DCAF5: variants seen among roughly 807,000 people sequenced by gnomAD.
DCAF5 encodes the protein DDB1 and CUL4 associated factor 5.
Under a neutral mutation model 80.7 loss-of-function variants are expected in DCAF5, and 9 were observed. The observed-to-expected ratio is 0.11, with a 90% CI of 0.07 to 0.19. The LOEUF (loss-of-function observed/expected upper bound fraction) is 0.19, where lower values mean the gene tolerates loss of function less well. DCAF5 is among the 10% of genes least tolerant of loss of function. The pLI, the probability that DCAF5 is intolerant of heterozygous loss-of-function variation, is 1.00. For synonymous variants in DCAF5, 433 were observed against 461.9 expected, an observed-to-expected ratio of 0.94 and a Z score of 0.80; for missense variants, 842 against 1,205.7, an observed-to-expected ratio of 0.70 and a Z score of 4.47.
At chr14:69,058,778 T>C (rs1174610403) in intron 8 of DCAF5, among the ~76,000 whole-genome samples, 1 of 148,056 alleles carries the variant, frequency 6.8e-6, no homozygotes, top group Non-Finnish European at 1.5e-5. Flanking sequence ...GAGCCTGAGA[T>C]GGGAGGATCA....
At chr14:69,115,860 C>T (rs1250846678) in intron 5 of DCAF5, among the ~76,000 whole-genome samples, 1 of 152,152 alleles carries the variant, frequency 6.6e-6, no homozygotes, top group Non-Finnish European at 1.5e-5. Context: ...TTTTGATAAA[C>T]AGAAAATGCA....
intron 5 of DCAF5, among the ~76,000 whole-genome samples, chr14:69,094,420 A>G (rs907992601): frequency 1.3e-5 from 2 of 152,192 alleles, no homozygotes; most frequent in Non-Finnish European, 2.9e-5. Context: ...TCTCTTGCCT[A>G]TGCTTCTGGG....
rs1487816633 is a variant in DCAF5, at chr14:69,055,087, A to G, written c.1599T>C (p.Ser533=). 3 of 1,614,076 alleles carry G rather than the reference A, an allele frequency of 1.9e-6. No individual in the cohort carries two copies. The highest frequency in any genetic ancestry group is 8.5e-7 in the Non-Finnish European group (1 of 1,180,042). Residue 533 remains serine (S), a synonymous_variant, in exon 9 of 9, where the codon TCT becomes TCC. Transcript: ENST00000341516. This position sits in a 1 kb window ranked among gnomAD's most constrained non-coding sequence, Gnocchi z 5.6. The part of the protein sequence containing the change: ...RLLALSNESD[S]EENVCEVELD... ...GTTCCACCTCACAGACATTCTCCTC[A>G]GAATCGGACTCATTGGAAAGGGCCA...
chr14:69,110,428 A>C (rs1298666081), intron 5 of DCAF5, among the ~76,000 whole-genome samples: 1 of 149,628 alleles, frequency 6.7e-6, no homozygotes, highest in African/African-American at 2.5e-5. Flanking sequence ...ACCACGCCCC[A>C]CTAATTTTCC....
intron 6 of DCAF5, chr14:69,090,824 C>T (rs564410955): frequency 6.4e-5 from 26 of 405,080 alleles, no homozygotes; most frequent in Non-Finnish European, 8.9e-5. Context: ...TAAACATTAG[C>T]GAGAGACTAA....
chr14:69,050,923 G>A lies in DCAF5; in HGVS notation c.*2934C>T, dbSNP rs1446513354. ...CCTGGAAGAGAAGAGGAAGACGTGA[G>A]AAGTGAATAATAGGTTTATTTGCAT... On this transcript the variant is annotated 3_prime_UTR_variant, in exon 9 of 9. Transcript: ENST00000341516. The A allele has an allele frequency of 6.6e-6, 1 of 152,650 alleles. No homozygotes were observed. Among genetic ancestry groups the A allele is most frequent in the African/African-American group, 2.4e-5 (1 of 41,446 alleles). 9.5% of individuals were successfully genotyped at this position (152,650 alleles called of 1,614,324 possible). A position where few individuals can be genotyped will look rare whatever the true frequency, so the allele number is the denominator to read the frequency against.
At chr14:69,073,781 T>C (rs2038794422) in intron 7 of DCAF5, among the ~76,000 whole-genome samples, 1 of 152,198 alleles carries the variant, frequency 6.6e-6, no homozygotes, top group Non-Finnish European at 1.5e-5. Flanking sequence ...GAAGAAGGAT[T>C]ATCCACATTC....
At chr14:69,150,079 C>A (rs1170469985) in intron 1 of DCAF5, among the ~76,000 whole-genome samples, 1 of 152,102 alleles carries the variant, frequency 6.6e-6, no homozygotes, top group Non-Finnish European at 1.5e-5. Flanking sequence ...AGGTAAATAG[C>A]TAAAAAGGCT....
intron 4 of DCAF5, among the ~76,000 whole-genome samples, 176 bp downstream of exon 4, chr14:69,117,963 A>ATT (rs915616257): frequency 6.6e-6 from 1 of 152,170 alleles, no homozygotes; most frequent in Admixed American, 6.6e-5. Context: ...ACTCCTGAGT[A>ATT]TTTAGGTGGA....
Position 69,054,914 on chromosome 14 carries a change from T to G in DCAF5, c.1772A>C (p.Gln591Pro). 1 of 1,614,246 alleles carries G rather than the reference T, an allele frequency of 6.2e-7. No individual in the cohort carries two copies. Among genetic ancestry groups the G allele is most frequent in the East Asian group, 2.2e-5 (1 of 44,890 alleles). The change falls in exon 9 of 9, where the codon CAG (glutamine) becomes CCG (proline). Residue 591 changes from glutamine to proline, a missense_variant. Gln to Pro is a moderately conservative substitution (Grantham distance 76, BLOSUM62 -1). Transcript: ENST00000341516. ...GGGCTTGTCTTCTCGGGTTGTCTTC[T>G]GTCGGCGCCGCATGGCATTCCGCTG... ...TWQRNAMRRRQKTTREDKPSA... is the reference protein window; with the variant it reads ...TWQRNAMRRRPKTTREDKPSA...
chr14:69,126,685 T>G (rs1356029294), intron 1 of DCAF5, among the ~76,000 whole-genome samples: 2 of 152,150 alleles, frequency 1.3e-5, no homozygotes, highest in African/African-American at 2.4e-5. Flanking sequence ...ATCAAGACAG[T>G]ATAATACTGG....
At chr14:69,147,132 T>C (rs1404649555) in intron 1 of DCAF5, among the ~76,000 whole-genome samples, 1 of 152,334 alleles carries the variant, frequency 6.6e-6, no homozygotes, top group East Asian at 1.9e-4. Flanking sequence ...CATTAATTAA[T>C]AGGTTCAAAT....
intron 8 of DCAF5, among the ~76,000 whole-genome samples, chr14:69,060,022 C>T (rs997195668): frequency 6.6e-6 from 1 of 152,102 alleles, no homozygotes; most frequent in African/African-American, 2.4e-5. Context: ...ACAGAAGCAT[C>T]CCAGAGTGCA....
chr14:69,086,352 C>T (rs935010500), intron 6 of DCAF5, among the ~76,000 whole-genome samples: 28 of 151,318 alleles, frequency 1.9e-4, no homozygotes, highest in Admixed American at 1.1e-3. Context: ...AGCAAGACTC[C>T]GTCTAAAAAC....
intron 4 of DCAF5, among the ~76,000 whole-genome samples, chr14:69,116,866 A>G (rs2040560150): frequency 1.3e-5 from 2 of 152,232 alleles, no homozygotes; most frequent in South Asian, 4.1e-4. Context: ...TAGGGTTATT[A>G]TGCTTTTAAT....
intron 5 of DCAF5, among the ~76,000 whole-genome samples, chr14:69,097,566 G>GATTATTATT (rs1374693882): frequency 1.6e-5 from 2 of 124,024 alleles, no homozygotes; most frequent in African/African-American, 3.1e-5. Context: ...TCACCCACTG[G>GATTATTATT]ATTATTATTA....
intron 5 of DCAF5, among the ~76,000 whole-genome samples, chr14:69,099,711 A>G (rs1480549190): frequency 2.0e-5 from 3 of 152,162 alleles, no homozygotes; most frequent in Non-Finnish European, 2.9e-5. Flanking sequence ...GGGAGGCCCA[A>G]GCAAGAGAAT....
At position 69,085,149 on chromosome 14, in the gene DCAF5, G is replaced by A. The variant is rs537425173; in HGVS notation, c.879+6525C>T. 7.1e-5 allele frequency: 54 copies of A among 755,692 alleles called. No individual in the cohort carries two copies. In the East Asian group the frequency reaches 7.9e-4, roughly 11 times the overall value. 46.8% of individuals were successfully genotyped at this position (755,692 alleles called of 1,614,324 possible). On this transcript the variant is annotated intron_variant, in intron 6 of 8. Transcript: ENST00000341516. ...ATATAAATCATACATACAAACCTAC[G>A]ATTCCCATTCTCTGAAACAGATCTT...
chr14:69,077,082 T>C (rs986262531), intron 6 of DCAF5, among the ~76,000 whole-genome samples: 11 of 152,246 alleles, frequency 7.2e-5, no homozygotes, highest in African/African-American at 2.4e-4. Context: ...GAGAGTAATT[T>C]TGAGAGTTCA....
Sources: gnomAD v4.1 joint callset for allele counts (sites outside exome capture counted in the v4.1 genomes callset) on GRCh38, gnomAD v4.1.1 for gene constraint, Gnocchi (gnomAD v3.1) non-coding constraint, MANE v1.5 for transcripts, NCBI Gene and HGNC (gene_info 2026-07-23, HGNC 2026-07-21) for gene names.